Variants in SND1 observed in about 807,000 individuals in gnomAD.
SND1 encodes staphylococcal nuclease domain-containing protein 1.
A neutral mutation model predicts 121.7 loss-of-function variants in SND1; 38 were observed. The observed-to-expected ratio is 0.31, with a 90% confidence interval of 0.24 to 0.41. The LOEUF is 0.41. Among genes scored for constraint, SND1 ranks in the 10% least tolerant of loss-of-function variants. SND1 has a pLI of 1.00. For synonymous variants in SND1, 401 were observed against 447.4 expected (o/e 0.90, Z 1.31); for missense variants, 868 against 1,184.6 (o/e 0.73, Z 3.92).
chr7:127,913,843 T>C (rs1424425254), intron 14 of SND1, among the ~76,000 whole-genome samples: 1 of 152,208 alleles, frequency 6.6e-6, no homozygotes, highest in African/African-American at 2.4e-5. Flanking sequence ...ATTGCTTATA[T>C]AAACATTTCA....
chr7:127,893,460 A>G (rs946140451), intron 13 of SND1, among the ~76,000 whole-genome samples: 2 of 152,142 alleles, frequency 1.3e-5, no homozygotes, highest in Non-Finnish European at 2.9e-5. Context: ...CACAGAAGTT[A>G]TGTTAGTTCA....
chr7:127,740,589 G>T (rs1284743836), intron 10 of SND1, among the ~76,000 whole-genome samples: 1 of 152,136 alleles, frequency 6.6e-6, no homozygotes, highest in African/African-American at 2.4e-5. Flanking sequence ...TTTTAATGCA[G>T]CTCTCAACCC....
Position 127,704,862 on chromosome 7 carries a change from C to T in SND1, c.864C>T (p.Leu288=). Residue 288 remains leucine, a synonymous_variant, in exon 8 of 24, where the codon CTC becomes CTT. Coordinates refer to ENST00000354725, the MANE Select transcript of SND1 (RefSeq NM_014390.4). ...LHPNGNITEL[L]LKEGFARCVD... ...AGAATGGCAACATCACAGAGCTCCT[C>T]CTGAAGGAAGGTTTCGCACGCTGTG... 1 of 1,614,028 alleles carries T rather than the reference C, an allele frequency of 6.2e-7. No individual in the cohort carries two copies. Among genetic ancestry groups the T allele is most frequent in the Non-Finnish European group, 8.5e-7 (1 of 1,179,948 alleles).
At chr7:128,033,467 C>T (rs973724862) in intron 16 of SND1, among the ~76,000 whole-genome samples, 1 of 152,190 alleles carries the variant, frequency 6.6e-6, no homozygotes, top group African/African-American at 2.4e-5. Flanking sequence ...TCATCACCTG[C>T]GCGTGGGCTG....
intron 10 of SND1, among the ~76,000 whole-genome samples, chr7:127,773,669 T>A (rs1184142333): frequency 6.6e-6 from 1 of 152,222 alleles, no homozygotes; most frequent in Non-Finnish European, 1.5e-5. Flanking sequence ...AACTGAGCCC[T>A]CTTTTTCTTC....
chr7:127,735,446 C>G (rs1796758133), intron 10 of SND1, among the ~76,000 whole-genome samples: 1 of 152,264 alleles, frequency 6.6e-6, no homozygotes, highest in South Asian at 2.1e-4. Flanking sequence ...GGCATGGTGG[C>G]TCATGCCTGT....
intron 11 of SND1, among the ~76,000 whole-genome samples, chr7:127,814,981 T>A (rs760711919): frequency 6.6e-6 from 1 of 152,178 alleles, no homozygotes; most frequent in Non-Finnish European, 1.5e-5. Flanking sequence ...AAAATCTGAG[T>A]GATACTTTTT....
chr7:128,079,665 C>T (rs2117057225), intron 17 of SND1, among the ~76,000 whole-genome samples: 1 of 152,362 alleles, frequency 6.6e-6, no homozygotes, highest in East Asian at 1.9e-4. Context: ...GCGTTAAAGG[C>T]AGAAGTGTGG....
intron 10 of SND1, among the ~76,000 whole-genome samples, chr7:127,758,554 A>G (rs946226097): frequency 1.3e-5 from 2 of 152,182 alleles, no homozygotes; most frequent in South Asian, 4.1e-4. Context: ...TAATATTTTC[A>G]TTATAAAATA....
At chr7:127,716,192 G>T (rs1266859590) in intron 9 of SND1, among the ~76,000 whole-genome samples, 2 of 152,118 alleles carry the variant, frequency 1.3e-5, no homozygotes, top group African/African-American at 4.8e-5. Flanking sequence ...GCTATTCAGG[G>T]TCTCTTGAGA....
rs59447282 is a variant in SND1 at position 127,854,538 on chromosome 7, CTATTTATTTATTTATTTATT to C, written c.1343+10141_1343+10160del. On this transcript the variant is annotated intron_variant, in intron 12 of 23. Coordinates refer to ENST00000354725, the MANE Select transcript of SND1 (RefSeq NM_014390.4). ...ATCTTGCTGACCTCCTACTAGCATT[CTATTTATTTATTTATTTATT>C]TATTTATTTATTTATTTATTTATTT... 2.3e-4 allele frequency among the ~76,000 whole-genome samples: 33 copies of C among 145,436 alleles called. 1 individual carries two copies. The South Asian group carries it at 4.7e-3, about 21-fold the overall frequency.
At chr7:127,850,040 C>A (rs1336720945) in intron 12 of SND1, among the ~76,000 whole-genome samples, 1 of 152,190 alleles carries the variant, frequency 6.6e-6, no homozygotes, top group Admixed American at 6.5e-5. Flanking sequence ...ATTAAATTTG[C>A]AAAGAATAAG....
chr7:127,783,146 T>C (rs1002310136), intron 10 of SND1, among the ~76,000 whole-genome samples: 5 of 152,206 alleles, frequency 3.3e-5, no homozygotes, highest in African/African-American at 1.2e-4. Flanking sequence ...CACCTTCTAG[T>C]GTGGCACCCC....
intron 12 of SND1, among the ~76,000 whole-genome samples, chr7:127,883,632 A>G (rs1444277490): frequency 6.6e-6 from 1 of 152,186 alleles, no homozygotes; most frequent in Non-Finnish European, 1.5e-5. Context: ...TAGAACTTGG[A>G]TATTAACACA....
chr7:127,737,927 A>G (rs1796806993), intron 10 of SND1, among the ~76,000 whole-genome samples: 1 of 152,300 alleles, frequency 6.6e-6, no homozygotes, highest in South Asian at 2.1e-4. Flanking sequence ...GGGACAGTGT[A>G]CTGTCTGTGT....
At chr7:127,692,636 T>C (rs2116320433) in intron 2 of SND1, 1 of 152,388 alleles carries the variant, frequency 6.6e-6, no homozygotes, top group South Asian at 2.1e-4. Flanking sequence ...TATAGCTCTT[T>C]GAGTCTCTTG....
chr7:127,816,020 G>A (rs550685097), intron 11 of SND1, among the ~76,000 whole-genome samples: 2 of 152,140 alleles, frequency 1.3e-5, no homozygotes, highest in Non-Finnish European at 2.9e-5. Flanking sequence ...CTGCAGACCA[G>A]CTGACAGTTG....
At chr7:127,705,551 C>CGAA (rs1796173413) in intron 8 of SND1, among the ~76,000 whole-genome samples, 1 of 151,874 alleles carries the variant, frequency 6.6e-6, no homozygotes, top group Admixed American at 6.6e-5. Flanking sequence ...TATTAGTCGA[C>CGAA]ATTTCAACTG....
chr7:127,737,401 G>A (rs571960495), intron 10 of SND1, among the ~76,000 whole-genome samples: 119 of 152,286 alleles, frequency 7.8e-4, no homozygotes, highest in South Asian at 1.7e-3. Context: ...ATGGCGAAAC[G>A]CCATCTCTAC....
Sources: gnomAD v4.1 joint callset for allele counts (sites outside exome capture counted in the v4.1 genomes callset) on GRCh38, gnomAD v4.1.1 for gene constraint, MANE v1.5 for transcripts, NCBI Gene and HGNC (gene_info 2026-07-23, HGNC 2026-07-21) for gene names.